Variants in BCO2 observed in about 807,000 individuals in gnomAD.
BCO2 encodes the protein carotenoid-cleaving dioxygenase, mitochondrial.
A neutral mutation model predicts 65.8 loss-of-function variants in BCO2; 56 were observed. That is an observed-to-expected ratio of 0.85 (90% CI 0.69 to 1.06). The LOEUF is 1.06. Ranked by LOEUF, BCO2 falls within the 50% of genes least tolerant of loss-of-function variation. The pLI is 0.00. For missense variants in BCO2, 675 were observed against 698.5 expected (o/e 0.97, Z 0.38); for synonymous variants, 233 against 242.3 (o/e 0.96, Z 0.36).
chr11:112,205,435 A>G (rs904787031), intron 8 of BCO2, among the ~76,000 whole-genome samples: 1 of 152,014 alleles, frequency 6.6e-6, no homozygotes, highest in African/African-American at 2.4e-5. Context: ...TGCCTATTGG[A>G]CTTTCAAATT....
At position 112,194,571 on chromosome 11, in the gene BCO2, A is replaced by T. The variant is rs560062031; in HGVS notation, c.634-82A>T. The T allele has an allele frequency of 7.2e-5, 60 of 838,918 alleles. No homozygotes were observed. In the African/African-American group the frequency reaches 7.4e-4, roughly 10 times the overall value. 52.0% of individuals were successfully genotyped at this position (838,918 alleles called of 1,614,324 possible). On this transcript the variant is annotated intron_variant, in intron 4 of 11. Coordinates refer to ENST00000357685, the MANE Select transcript of BCO2 (RefSeq NM_031938.7). ...ATTGCAGTTTTCTTATCATATTTTT[A>T]AAAACATTAGATATTTCTACTATTT...
At chr11:112,215,975 A>G (rs1339852677) in intron 10 of BCO2, 1 of 442,840 alleles carries the variant, frequency 2.3e-6, no homozygotes, top group African/African-American at 2.0e-5. Context: ...GAACTAATAG[A>G]GCGAGAGCTC....
At chr11:112,195,862 G>T (rs187790479) in intron 5 of BCO2, among the ~76,000 whole-genome samples, 1 of 152,172 alleles carries the variant, frequency 6.6e-6, no homozygotes, top group South Asian at 2.1e-4. Flanking sequence ...CAGGGATTCC[G>T]GTTTAGTAGA....
At chr11:112,214,705 A>C in intron 9 of BCO2, 57 bp from the exon 10 acceptor site, 2 of 1,482,424 alleles carry the variant, frequency 1.3e-6, no homozygotes, top group South Asian at 1.2e-5. Flanking sequence ...ACTGACCTAC[A>C]TAAGAGGAAA....
At chr11:112,182,526 A>G (rs1867081245) in intron 2 of BCO2, among the ~76,000 whole-genome samples, 1 of 152,238 alleles carries the variant, frequency 6.6e-6, no homozygotes, top group Non-Finnish European at 1.5e-5. Context: ...CAGCCATAAA[A>G]AAGGATGAGT....
chr11:112,212,771 C>T (rs1251643972), intron 8 of BCO2, among the ~76,000 whole-genome samples: 1 of 152,206 alleles, frequency 6.6e-6, no homozygotes, highest in Admixed American at 6.5e-5. Context: ...TGATGACCCT[C>T]AGTTACTGAT....
Position 112,194,842 on chromosome 11 carries a change from A to G in BCO2, c.736+87A>G, listed in dbSNP as rs571972199. ...GATGAATACTACAGGTTTGTTTTTT[A>G]CTGGCACAAGTAGAGAGAGGGTGCT... On this transcript the variant is annotated intron_variant, in intron 5 of 11. Coordinates refer to ENST00000357685, the MANE Select transcript of BCO2 (RefSeq NM_031938.7). 3.4e-6 allele frequency: 3 copies of G among 884,836 alleles called. No homozygotes were observed. The Admixed American group carries it at 6.7e-5, about 20-fold the overall frequency. The allele number at this position is 884,836 out of a possible 1,614,324, so 54.8% of individuals were successfully genotyped here.
chr11:112,217,703 G>T, intron 11 of BCO2, 58 bp from the exon 12 acceptor site: 1 of 1,297,308 alleles, frequency 7.7e-7, no homozygotes, highest in South Asian at 1.3e-5. Context: ...TAGTGGAGGA[G>T]ACAGGCAAAT....
At chr11:112,179,590 C>T in intron 2 of BCO2, 108 bp downstream of exon 2, 6 of 1,002,684 alleles carry the variant, frequency 6.0e-6, no homozygotes, top group Non-Finnish European at 9.0e-6. Context: ...CCATTCCATC[C>T]CTTTGATTAC....
chr11:112,205,028 T>A (rs963844696), intron 8 of BCO2, among the ~76,000 whole-genome samples: 2 of 152,224 alleles, frequency 1.3e-5, no homozygotes, highest in African/African-American at 4.8e-5. Flanking sequence ...CAGTATATAA[T>A]ACATATGAAA....
chr11:112,180,617 G>A (rs1300710875), intron 2 of BCO2, among the ~76,000 whole-genome samples: 1 of 151,690 alleles, frequency 6.6e-6, no homozygotes, highest in African/African-American at 2.4e-5. Flanking sequence ...GTGTGGGACA[G>A]AGTGCATGTG....
chr11:112,218,081 T>C lies in BCO2; in HGVS notation c.*207T>C, dbSNP rs930993746. The C allele has an allele frequency of 4.2e-6, 2 of 471,582 alleles. No homozygotes were observed. Among genetic ancestry groups the C allele is most frequent in the Non-Finnish European group, 7.5e-6 (2 of 267,060 alleles). 29.2% of individuals were successfully genotyped at this position (471,582 alleles called of 1,614,324 possible). A position where few individuals can be genotyped will look rare whatever the true frequency, so the allele number is the denominator to read the frequency against. On this transcript the variant is annotated 3_prime_UTR_variant, in exon 12 of 12. Coordinates refer to ENST00000357685, the MANE Select transcript of BCO2 (RefSeq NM_031938.7). ...ACCTCAGCAGCACACAATATACTCA[T>C]GTAACAAGCCTGCACATGTACCCCA...
intron 1 of BCO2, chr11:112,176,526 G>GGA (rs1433262604): frequency 8.2e-6 from 1 of 122,480 alleles, no homozygotes; most frequent in Non-Finnish European, 1.7e-5. Flanking sequence ...GCGGGGGGGG[G>GGA]GGAATTAAAC....
intron 2 of BCO2, among the ~76,000 whole-genome samples, chr11:112,186,160 A>T (rs1370621590): frequency 6.6e-6 from 1 of 152,242 alleles, no homozygotes; most frequent in Non-Finnish European, 1.5e-5. Context: ...TCCAGCTCCC[A>T]GAGAATAAAC....
At chr11:112,210,527 G>GCCTT (rs1859474389) in intron 8 of BCO2, among the ~76,000 whole-genome samples, 1 of 152,254 alleles carries the variant, frequency 6.6e-6, no homozygotes, top group South Asian at 2.1e-4. Flanking sequence ...GGTTTACTAG[G>GCCTT]CCTTCCTCTT....
At chr11:112,179,525 G>A (rs866113100) in intron 2 of BCO2, 43 bp downstream of exon 2, 4 of 1,554,048 alleles carry the variant, frequency 2.6e-6, no homozygotes, top group South Asian at 2.2e-5. Context: ...TCTTGGCATG[G>A]GCTGGTTCTG....
At chr11:112,200,580 A>G (rs770865241) in intron 6 of BCO2, 33 bp from the exon 7 acceptor site, 1 of 1,576,826 alleles carries the variant, frequency 6.3e-7, no homozygotes, top group South Asian at 1.2e-5. Flanking sequence ...AGTTTGCCAA[A>G]TAACATTTTT....
chr11:112,181,814 C>G (rs1024645391), intron 2 of BCO2: 82 of 893,548 alleles, frequency 9.2e-5, no homozygotes, highest in Non-Finnish European at 1.4e-4. Flanking sequence ...CCAGTTTAAG[C>G]TGCTGTAATC....
In BCO2 at chr11:112,218,702, T is replaced by C. The variant is rs902505132; in HGVS notation, c.*828T>C. The C allele has an allele frequency of 6.0e-6, 1 of 165,506 alleles. No homozygotes were observed. The highest frequency in any genetic ancestry group is 1.3e-5 in the Non-Finnish European group (1 of 75,062). The allele number at this position is 165,506 out of a possible 1,614,324, so 10.3% of individuals were successfully genotyped here. On this transcript the variant is annotated 3_prime_UTR_variant, in exon 12 of 12. Coordinates refer to ENST00000357685, the MANE Select transcript of BCO2 (RefSeq NM_031938.7). ...AAGTCAAGGATGTCATCGAAGAGTA[T>C]TTCAAATGTAAGAAATGAACAAATA...
Sources: gnomAD v4.1 joint callset for allele counts (sites outside exome capture counted in the v4.1 genomes callset) on GRCh38, gnomAD v4.1.1 for gene constraint, MANE v1.5 for transcripts, NCBI Gene and HGNC (gene_info 2026-07-23, HGNC 2026-07-21) for gene names.